Variants in TMEM181 observed in about 807,000 individuals in gnomAD.
TMEM181 encodes G protein-coupled receptor 178.
In TMEM181, 39 loss-of-function variants were observed where a neutral mutation model predicts 71.9. That is an observed-to-expected ratio of 0.54 (90% CI 0.42 to 0.71). The LOEUF is 0.71. Among genes scored for constraint, TMEM181 ranks in the 30% least tolerant of loss-of-function variants. The probability of loss-of-function intolerance (pLI) is 0.00; values close to 1 mark genes in which losing one functional copy is unlikely to be tolerated. For synonymous variants in TMEM181, 245 were observed against 228.8 expected, an observed-to-expected ratio of 1.07 and a Z score of -0.64; for missense variants, 595 against 583.0, an observed-to-expected ratio of 1.02 and a Z score of -0.21.
intron 5 of TMEM181, among the ~76,000 whole-genome samples, chr6:158,587,531 T>C (rs1414477184): frequency 1.3e-5 from 2 of 152,110 alleles, no homozygotes; most frequent in Non-Finnish European, 2.9e-5. Flanking sequence ...AGTCTTGCTA[T>C]GTTGCCCAGG....
At chr6:158,557,387 G>A (rs1781934652), upstream of TMEM181, among the ~76,000 whole-genome samples, 1 of 152,114 alleles carries the variant, frequency 6.6e-6, no homozygotes, top group South Asian at 2.1e-4. Flanking sequence ...AACAGGTCAT[G>A]TGAGAAATGG....
intron 1 of TMEM181, among the ~76,000 whole-genome samples, chr6:158,550,028 A>C (rs1177178309): frequency 3.4e-5 from 5 of 147,692 alleles, no homozygotes; most frequent in African/African-American, 1.3e-4. Flanking sequence ...CTTTTGATCA[A>C]GATCTTTCTC....
At chr6:158,562,690 T>C (rs1562621471) in intron 1 of TMEM181, among the ~76,000 whole-genome samples, 1 of 152,060 alleles carries the variant, frequency 6.6e-6, no homozygotes, top group Non-Finnish European at 1.5e-5. Context: ...CAGGCTTGGG[T>C]CAGTATCCTA....
At chr6:158,573,587 C>G in intron 2 of TMEM181, 64 bp downstream of exon 2, 1 of 1,379,614 alleles carries the variant, frequency 7.2e-7, no homozygotes, top group South Asian at 1.3e-5. Context: ...GTATTGCTTT[C>G]GGTCAGCCCA....
At chr6:158,565,747 G>A (rs978351017) in intron 1 of TMEM181, among the ~76,000 whole-genome samples, 2 of 152,208 alleles carry the variant, frequency 1.3e-5, no homozygotes, top group African/African-American at 4.8e-5. Flanking sequence ...TGGGGAGGGT[G>A]TGGTGTGGAT....
intron 5 of TMEM181, among the ~76,000 whole-genome samples, chr6:158,587,406 A>G (rs1044208395): frequency 6.6e-6 from 1 of 152,078 alleles, no homozygotes; most frequent in African/African-American, 2.4e-5. Flanking sequence ...TTCCTTGTCT[A>G]CGCAGGTCTC....
chr6:158,557,371 AAAAC>A (rs1781933752), upstream of TMEM181, among the ~76,000 whole-genome samples: 1 of 152,054 alleles, frequency 6.6e-6, no homozygotes, highest in Admixed American at 6.5e-5. Flanking sequence ...CTCTGTCTCA[AAAAC>A]AAACAGGTCA....
intron 1 of TMEM181, among the ~76,000 whole-genome samples, chr6:158,561,538 A>G (rs1156818159): frequency 1.3e-5 from 2 of 152,154 alleles, no homozygotes; most frequent in Non-Finnish European, 2.9e-5. Context: ...TTGGAGCTGC[A>G]TAGGTGGGCT....
chr6:158,557,114 C>G (rs903199369), upstream of TMEM181, among the ~76,000 whole-genome samples: 1 of 152,152 alleles, frequency 6.6e-6, no homozygotes, highest in African/African-American at 2.4e-5. Flanking sequence ...CGGTGCACCT[C>G]CTAGGATCCC....
At chr6:158,615,806 A>G (rs1479627380) in intron 10 of TMEM181, among the ~76,000 whole-genome samples, 1 of 152,010 alleles carries the variant, frequency 6.6e-6, no homozygotes, top group East Asian at 1.9e-4. Context: ...GATGTGTGAT[A>G]TTATTTCTGA....
intron 6 of TMEM181, among the ~76,000 whole-genome samples, chr6:158,596,310 G>A (rs1583005753): frequency 6.6e-6 from 1 of 152,320 alleles, no homozygotes; most frequent in Non-Finnish European, 1.5e-5. Flanking sequence ...CGCCTGTACG[G>A]CCGCACGTTT....
chr6:158,545,009 G>A (rs187319312), intron 1 of TMEM181, among the ~76,000 whole-genome samples: 7 of 152,344 alleles, frequency 4.6e-5, no homozygotes, highest in Middle Eastern at 3.4e-3. Context: ...AAACGCCCCG[G>A]GGTGACGGTT....
chr6:158,591,163 T>C (rs1283691503), intron 6 of TMEM181, among the ~76,000 whole-genome samples: 8 of 152,194 alleles, frequency 5.3e-5, no homozygotes, highest in African/African-American at 1.7e-4. Context: ...CAAAATGAGT[T>C]TTTTTCTCTG....
chr6:158,626,795 C>CTTCACTCACACCTCACTCATGCA, intron 13 of TMEM181: 1 of 455,876 alleles, frequency 2.2e-6, no homozygotes, highest in South Asian at 1.6e-5. Context: ...TCACTCATGC[C>CTTCACTCACACCTCACTCATGCA]TTCACTCACA....
chr6:158,573,038 G>A (rs12529055), intron 1 of TMEM181, among the ~76,000 whole-genome samples: 9 of 151,922 alleles, frequency 5.9e-5, no homozygotes, highest in Non-Finnish European at 1.2e-4. Flanking sequence ...GTGTGTGTGC[G>A]TGTGTGTATG....
chr6:158,602,375 A>T (rs1320653691), intron 6 of TMEM181, among the ~76,000 whole-genome samples: 1 of 152,218 alleles, frequency 6.6e-6, no homozygotes. Context: ...TTGTGTGGAC[A>T]TATGCTTTCA....
intron 1 of TMEM181, among the ~76,000 whole-genome samples, chr6:158,545,889 G>A (rs192172226): frequency 4.9e-4 from 75 of 152,184 alleles, no homozygotes; most frequent in African/African-American, 1.6e-3. Context: ...TGCCCTCTGC[G>A]CTGTGTTTGT....
At chr6:158,565,849 G>A (rs1046556986) in intron 1 of TMEM181, among the ~76,000 whole-genome samples, 5 of 152,182 alleles carry the variant, frequency 3.3e-5, no homozygotes, top group South Asian at 2.1e-4. Context: ...AGAGCCTCGC[G>A]GTGGGGGCGG....
Position 158,631,922 on chromosome 6 carries a change from T to C in TMEM181, c.*34T>C, listed in dbSNP as rs1271483797. 6.4e-7 allele frequency: 1 copy of C among 1,550,422 alleles called. No individual in the cohort carries two copies. The highest frequency in any genetic ancestry group is 8.8e-7 in the Non-Finnish European group (1 of 1,142,766). On this transcript the variant is annotated 3_prime_UTR_variant, in exon 17 of 17. Transcript: ENST00000684151. ...CAGCCCAGCGAGGCGACAAGATGCC[T>C]GGATGCTTTCCCCGGTGACCGTCTG...
Sources: gnomAD v4.1 joint callset for allele counts (sites outside exome capture counted in the v4.1 genomes callset) on GRCh38, gnomAD v4.1.1 for gene constraint, MANE v1.5 for transcripts, NCBI Gene and HGNC (gene_info 2026-07-23, HGNC 2026-07-21) for gene names.